The following ADCY3 variants were observed in gnomAD, a reference collection of about 807,000 sequenced individuals.
ADCY3 encodes the protein adenylate cyclase type 3.
Under a neutral mutation model 119.4 loss-of-function variants are expected in ADCY3, and 70 were observed. The observed-to-expected ratio is 0.59, with a 90% CI of 0.48 to 0.72. The LOEUF is 0.72. Among genes scored for constraint, ADCY3 ranks in the 30% least tolerant of loss-of-function variants. ADCY3 has a pLI of 0.00. For synonymous variants in ADCY3, 672 were observed against 621.4 expected, an observed-to-expected ratio of 1.08 and a Z score of -1.21; for missense variants, 1,238 against 1,541.6, an observed-to-expected ratio of 0.80 and a Z score of 3.30.
intron 2 of ADCY3, among the ~76,000 whole-genome samples, chr2:24,897,696 C>T (rs1210267377): frequency 1.3e-5 from 2 of 152,186 alleles, no homozygotes; most frequent in Non-Finnish European, 2.9e-5. Flanking sequence ...TTGAAATCTT[C>T]ACACTCACAC....
Position 24,834,409 on chromosome 2 carries a change from A to C in ADCY3, c.1967+76T>G. On this transcript the variant is annotated intron_variant, in intron 11 of 21. Transcript: ENST00000679454. This position sits in a 1 kb window ranked among gnomAD's most constrained non-coding sequence, Gnocchi z 4.2. ...GCTCCCCAATGTCAGGCTCCCGCTGAGACACCTGCCCCCGCCCCCCGCCCG... is the reference window on the plus strand; with the variant it reads ...GCTCCCCAATGTCAGGCTCCCGCTGCGACACCTGCCCCCGCCCCCCGCCCG... 3 of 1,281,028 alleles carry C rather than the reference A, an allele frequency of 2.3e-6. No homozygotes were observed. The highest frequency in any genetic ancestry group is 3.2e-6 in the Non-Finnish European group (3 of 923,986). 79.4% of individuals were successfully genotyped at this position (1,281,028 alleles called of 1,614,324 possible).
At position 24,856,608 on chromosome 2, in the gene ADCY3, C is replaced by T. The variant is rs1208616334; in HGVS notation, c.826-14224G>A. On this transcript the variant is annotated intron_variant, in intron 3 of 21. Transcript: ENST00000679454. The stretch of plus-strand genomic sequence containing the variant: ...CAGAGCCCAAACAGCTCACCTCTCC[C>T]GGATGAGGGGACGAAGTACCACAAT... Among the ~76,000 whole-genome samples, 9 of 152,182 alleles carry T rather than the reference C, an allele frequency of 5.9e-5. No homozygotes were observed. The South Asian group carries it at 1.0e-3, about 18-fold the overall frequency.
intron 2 of ADCY3, among the ~76,000 whole-genome samples, chr2:24,907,013 C>A (rs1214839899): frequency 1.3e-5 from 2 of 152,132 alleles, no homozygotes; most frequent in African/African-American, 4.8e-5. Context: ...CACCTGTAAT[C>A]CCAGCTACTC....
rs917312090 is a variant in ADCY3 at position 24,831,726 on chromosome 2, A to C, written c.1991T>G (p.Phe664Cys). The change falls in exon 12 of 22, where the codon TTC (phenylalanine) becomes TGC (cysteine). Residue 664 changes from phenylalanine to cysteine, a missense_variant. Physicochemically the swap from Phe to Cys is radical, Grantham distance 205 (BLOSUM62 -2). Around this residue, in one of 7 missense-constraint regions of ADCY3, gnomAD observed 499 missense variants for 571.0 expected, o/e 0.87. Coordinates refer to ENST00000679454, the MANE Select transcript of ADCY3 (RefSeq NM_004036.5). ...GAGGAGCAGAATCTCCCCCACCATG[A>C]AGGTCACATAGTTTGTCATTAGCCT... ...DPWLMTNYVT[F>C]MVGEILLLIL... 1.2e-6 allele frequency: 2 copies of C among 1,613,752 alleles called. No individual in the cohort carries two copies. Among genetic ancestry groups the C allele is most frequent in the Non-Finnish European group, 1.7e-6 (2 of 1,179,954 alleles).
rs577156734 is a variant in ADCY3, at chr2:24,823,162, A to T, written c.2883+47T>A. ...CAGCCTATTGTAGGATGTGATGTGG[A>T]ATGGGCCGGCTTCATGGCCAGAGTG... On this transcript the variant is annotated intron_variant, in intron 18 of 21. Coordinates refer to ENST00000679454, the MANE Select transcript of ADCY3 (RefSeq NM_004036.5). The T allele has an allele frequency of 1.9e-6, 3 of 1,583,610 alleles. No homozygotes were observed. The East Asian group carries it at 6.8e-5, about 36-fold the overall frequency.
At chr2:24,915,762 A>C (rs184625731) in intron 2 of ADCY3, among the ~76,000 whole-genome samples, 8 of 152,120 alleles carry the variant, frequency 5.3e-5, no homozygotes, top group Admixed American at 4.6e-4. Context: ...GCTGGTCTTG[A>C]ACTCCTGACC....
At chr2:24,891,116 G>A (rs944918860) in intron 2 of ADCY3, among the ~76,000 whole-genome samples, 4 of 152,056 alleles carry the variant, frequency 2.6e-5, no homozygotes, top group African/African-American at 7.2e-5. Context: ...GGATGCACCT[G>A]CCTTGGCCTC....
intron 3 of ADCY3, among the ~76,000 whole-genome samples, chr2:24,844,009 G>A (rs758291599): frequency 6.6e-6 from 1 of 152,212 alleles, no homozygotes; most frequent in African/African-American, 2.4e-5. Context: ...TTTGCAAGAT[G>A]GAAACTGTAA....
rs1267234127 is a variant in ADCY3 at position 24,821,908 on chromosome 2, G to GCTGGGC, written c.3004-274_3004-269dup. On this transcript the variant is annotated intron_variant, in intron 19 of 21. Transcript: ENST00000679454. ...CCACGAGGCGGACCCCTTCACCTTG[G>GCTGGGC]CTGGGCCTGGTCCTGGTCCTTAGGT... 129 of 417,676 alleles carry GCTGGGC rather than the reference G, an allele frequency of 3.1e-4. 1 individual carries two copies. Among genetic ancestry groups the GCTGGGC allele is most frequent in the African/African-American group, 2.3e-3 (112 of 49,530 alleles). 25.9% of individuals were successfully genotyped at this position (417,676 alleles called of 1,614,324 possible). A position where few individuals can be genotyped will look rare whatever the true frequency, so the allele number is the denominator to read the frequency against.
chr2:24,825,349 T>TGGGGGGGGGGGGGGGGGGGG (rs1558404233), intron 16 of ADCY3, among the ~76,000 whole-genome samples: 1 of 83,828 alleles, frequency 1.2e-5, no homozygotes, highest in African/African-American at 6.6e-5. Context: ...GGGGGGGGGG[T>TGGGGGGGGGGGGGGGGGGGG]GCGGGGGGGG....
At chr2:24,822,961 G>A (rs896954382) in intron 18 of ADCY3, among the ~76,000 whole-genome samples, 4 of 152,224 alleles carry the variant, frequency 2.6e-5, no homozygotes, top group African/African-American at 9.6e-5. Context: ...AGGACAGAGA[G>A]GTCTCGAGAT....
At chr2:24,820,980 T>C (rs1356115422) in intron 20 of ADCY3, 132 bp from the exon 21 acceptor site, 15 of 1,323,748 alleles carry the variant, frequency 1.1e-5, no homozygotes, top group African/African-American at 1.5e-5. Flanking sequence ...TCAACTTGGC[T>C]GTATGCTATT....
At chr2:24,821,963 C>G in intron 19 of ADCY3, 1 of 299,540 alleles carries the variant, frequency 3.3e-6, no homozygotes, top group Non-Finnish European at 6.3e-6. Flanking sequence ...TTGGATCCCT[C>G]AACTAGGTGA....
rs763042355 is a variant in ADCY3, at chr2:24,834,630, T to A, written c.1822A>T (p.Thr608Ser). 1.2e-6 allele frequency: 2 copies of A among 1,613,904 alleles called. No individual in the cohort carries two copies. Among genetic ancestry groups the A allele is most frequent in the Non-Finnish European group, 1.7e-6 (2 of 1,179,948 alleles). Reference sequence around the variant, plus strand: ...ATGAACCGCATGGACAAGAGGAAGGTGTTTCTCTTCTTTACTCTGCAGTGG... The same window carrying A: ...ATGAACCGCATGGACAAGAGGAAGGAGTTTCTCTTCTTTACTCTGCAGTGG... ...ESAQVVKKRN[T>S]FLLSMRFMDP... The change falls in exon 11 of 22, where the codon ACC becomes TCC. Residue 608 changes from threonine (T) to serine (S), a missense_variant. Physicochemically the swap from Thr to Ser is moderately conservative, Grantham distance 58 (BLOSUM62 1). This residue lies in a region of ADCY3 where 499 missense variants were observed against 571.0 expected (regional missense o/e 0.87). Coordinates refer to ENST00000679454, the MANE Select transcript of ADCY3 (RefSeq NM_004036.5). This position sits in a 1 kb window ranked among gnomAD's most constrained non-coding sequence, Gnocchi z 4.2.
intron 3 of ADCY3, among the ~76,000 whole-genome samples, chr2:24,848,869 C>T (rs563742888): frequency 1.6e-4 from 24 of 152,316 alleles, no homozygotes; most frequent in Middle Eastern, 3.4e-3. Context: ...CCCTCTGGGT[C>T]ACTCAGCCTG....
At chr2:24,868,740 G>T (rs1674612210) in intron 3 of ADCY3, among the ~76,000 whole-genome samples, 1 of 152,162 alleles carries the variant, frequency 6.6e-6, no homozygotes, top group Non-Finnish European at 1.5e-5. Flanking sequence ...TAAGAGGCTG[G>T]GCGCGGTGGC....
chr2:24,852,791 C>T (rs1035025015), intron 3 of ADCY3, among the ~76,000 whole-genome samples: 64 of 152,158 alleles, frequency 4.2e-4, no homozygotes, highest in Non-Finnish European at 5.4e-4. Context: ...ACAGAGTGGC[C>T]GAGCCGGTGC....
In ADCY3 at chr2:24,918,497, G is replaced by A. The variant is rs752289321; in HGVS notation, c.491C>T (p.Ala164Val). Residue 164 changes from alanine to valine, a missense_variant, in exon 2 of 22, where the codon GCG becomes GTG. By Grantham distance (64) the Ala-to-Val change is moderately conservative. Transcript: ENST00000679454. This position sits in a 1 kb window ranked among gnomAD's most constrained non-coding sequence, Gnocchi z 5.4. ...CTGCCAGCCCACCGTGTCACTAGCC[G>A]CGTGGGCACGCGCGAAGTTCAGGCC... ...YLGLNFARAHAASDTVGWQVF... is the reference protein window; with the variant it reads ...YLGLNFARAHVASDTVGWQVF... 2.5e-6 allele frequency: 4 copies of A among 1,613,882 alleles called. No individual in the cohort carries two copies. Among genetic ancestry groups the A allele is most frequent in the Non-Finnish European group, 1.7e-6 (2 of 1,179,988 alleles).
Position 24,820,080 on chromosome 2 carries a change from T to A in ADCY3, c.3287A>T (p.Tyr1096Phe), listed in dbSNP as rs1471727982. Reference sequence around the variant, plus strand: ...GCCTCGCCTCACAAAGCGGAAGCCGTACTCTCGGAGGATGACTTGGGTTTC... The same window carrying A: ...GCCTCGCCTCACAAAGCGGAAGCCGAACTCTCGGAGGATGACTTGGGTTTC... ...VEETQVILRE[Y>F]GFRFVRRGPI... Residue 1096 changes from tyrosine to phenylalanine, a missense_variant, in exon 22 of 22, where the codon TAC becomes TTC. By Grantham distance (22) the Tyr-to-Phe change is conservative (BLOSUM62 3). Coordinates refer to ENST00000679454, the MANE Select transcript of ADCY3 (RefSeq NM_004036.5). 1 of 1,571,596 alleles carries A rather than the reference T, an allele frequency of 6.4e-7. No individual in the cohort carries two copies. Among genetic ancestry groups the A allele is most frequent in the South Asian group, 1.2e-5 (1 of 85,904 alleles).
Sources: allele counts gnomAD v4.1 joint callset (sites outside exome capture counted in the v4.1 genomes callset), GRCh38; gene constraint gnomAD v4.1.1; regional missense constraint gnomAD v4.1.1; non-coding constraint Gnocchi (gnomAD v3.1); transcripts MANE v1.5; gene names NCBI Gene and HGNC (gene_info 2026-07-23, HGNC 2026-07-21).